Variants in SDC2 observed in about 807,000 individuals in gnomAD.
SDC2 encodes syndecan-2.
In SDC2, 13 loss-of-function variants were observed where a neutral mutation model predicts 22.2. The ratio of observed to expected loss-of-function variants is 0.59; its 90% CI spans 0.38 to 0.93. The LOEUF is 0.93. Among genes scored for constraint, SDC2 ranks in the 40% least tolerant of loss-of-function variants. The pLI is 0.00. For missense variants in SDC2, 235 were observed against 246.8 expected (o/e 0.95, Z 0.32); for synonymous variants, 94 against 92.8 (o/e 1.01, Z -0.07).
chr8:96,517,306 C>A (rs1813416331), intron 1 of SDC2, among the ~76,000 whole-genome samples: 1 of 152,082 alleles, frequency 6.6e-6, no homozygotes, highest in South Asian at 2.1e-4. Context: ...TTAATAGTGT[C>A]CTTTGAAGCA....
intron 1 of SDC2, among the ~76,000 whole-genome samples, chr8:96,554,057 T>C (rs926533922): frequency 6.6e-6 from 1 of 152,150 alleles, no homozygotes; most frequent in African/African-American, 2.4e-5. Flanking sequence ...TCCCAAAGTG[T>C]TGGGGTTACA....
intron 1 of SDC2, among the ~76,000 whole-genome samples, chr8:96,592,093 C>T (rs1160187999): frequency 2.0e-5 from 3 of 152,196 alleles, no homozygotes; most frequent in Non-Finnish European, 2.9e-5. Context: ...TGGTCCAGGC[C>T]ACTGGAACAC....
chr8:96,520,142 AG>A (rs979276329), intron 1 of SDC2, among the ~76,000 whole-genome samples: 1 of 152,222 alleles, frequency 6.6e-6, no homozygotes, highest in African/African-American at 2.4e-5. Flanking sequence ...ATGAAACTGT[AG>A]TGACAACTTT....
intron 1 of SDC2, among the ~76,000 whole-genome samples, chr8:96,530,735 A>T (rs1563650410): frequency 6.6e-6 from 1 of 152,254 alleles, no homozygotes; most frequent in South Asian, 2.1e-4. Context: ...CTGAGCATAG[A>T]TAACAAATGA....
chr8:96,543,509 A>C (rs1393853312), intron 1 of SDC2, among the ~76,000 whole-genome samples: 1 of 152,206 alleles, frequency 6.6e-6, no homozygotes, highest in African/African-American at 2.4e-5. Flanking sequence ...TTTTATAATC[A>C]GGTGTTATTT....
At chr8:96,536,721 T>C (rs1284586981) in intron 1 of SDC2, among the ~76,000 whole-genome samples, 1 of 152,196 alleles carries the variant, frequency 6.6e-6, no homozygotes, top group African/African-American at 2.4e-5. Flanking sequence ...GTCAGCTCTG[T>C]AGAGCTTGTG....
At chr8:96,498,101 G>T (rs1813102227) in intron 1 of SDC2, among the ~76,000 whole-genome samples, 4 of 152,150 alleles carry the variant, frequency 2.6e-5, no homozygotes, top group Admixed American at 2.6e-4. Flanking sequence ...TCTTGAAGAA[G>T]CCCTGGACTC....
At chr8:96,516,305 G>A (rs1024674012) in intron 1 of SDC2, among the ~76,000 whole-genome samples, 27 of 152,040 alleles carry the variant, frequency 1.8e-4, no homozygotes, top group African/African-American at 3.6e-4. Context: ...CATAGCAAGC[G>A]TTATCTAGAA....
intron 1 of SDC2, among the ~76,000 whole-genome samples, chr8:96,517,787 GTGTGTGTGTGT>G (rs1185271115): frequency 1.4e-5 from 2 of 142,880 alleles, no homozygotes; most frequent in African/African-American, 5.0e-5. Flanking sequence ...GTGTGTGTGT[GTGTGTGTGTGT>G]GTGTATATAT....
chr8:96,550,097 G>T lies in SDC2; in HGVS notation c.61-43383G>T, dbSNP rs147135437. On this transcript the variant is annotated intron_variant, in intron 1 of 4. Transcript: ENST00000302190. ...AATGGGAGCTCAAAATTTTTTCAAA[G>T]ATCTCATATTTACAAATGAATAAGT... Among the ~76,000 whole-genome samples, 51 of 152,192 alleles carry T rather than the reference G, an allele frequency of 3.4e-4. No homozygotes were observed. In the East Asian group the frequency reaches 9.5e-3, roughly 28 times the overall value.
At chr8:96,503,610 A>G (rs1463343900) in intron 1 of SDC2, among the ~76,000 whole-genome samples, 6 of 152,222 alleles carry the variant, frequency 3.9e-5, no homozygotes, top group Non-Finnish European at 8.8e-5. Flanking sequence ...CAATATCAAT[A>G]TCATTGTTGT....
intron 1 of SDC2, among the ~76,000 whole-genome samples, chr8:96,552,856 T>G (rs1005199453): frequency 6.6e-6 from 1 of 152,212 alleles, no homozygotes; most frequent in Non-Finnish European, 1.5e-5. Flanking sequence ...ATGATGAAAT[T>G]CCTCTGAATT....
chr8:96,572,605 A>G (rs967159788), intron 1 of SDC2, among the ~76,000 whole-genome samples: 1 of 152,064 alleles, frequency 6.6e-6, no homozygotes, highest in Non-Finnish European at 1.5e-5. Context: ...AAAAAAAACA[A>G]CAAAGGCCCC....
intron 1 of SDC2, among the ~76,000 whole-genome samples, chr8:96,576,119 A>G (rs1482470736): frequency 1.3e-5 from 2 of 152,022 alleles, no homozygotes; most frequent in East Asian, 1.9e-4. Flanking sequence ...TGTGGGCCCA[A>G]TTTATTTAAG....
At chr8:96,505,979 T>A (rs539787957) in intron 1 of SDC2, among the ~76,000 whole-genome samples, 2 of 152,366 alleles carry the variant, frequency 1.3e-5, no homozygotes, top group South Asian at 4.1e-4. Flanking sequence ...TGCATCAGTT[T>A]ATGTTGAATC....
intron 1 of SDC2, among the ~76,000 whole-genome samples, chr8:96,555,624 T>C (rs147179209): frequency 1.1e-3 from 169 of 152,344 alleles, no homozygotes; most frequent in African/African-American, 3.9e-3. Flanking sequence ...CTGTAGAATT[T>C]AATAAACTAG....
chr8:96,516,295 C>T (rs1367714751), intron 1 of SDC2, among the ~76,000 whole-genome samples: 3 of 152,116 alleles, frequency 2.0e-5, no homozygotes, highest in Non-Finnish European at 4.4e-5. Flanking sequence ...AAGATCAAAA[C>T]ATAGCAAGCG....
chr8:96,541,188 T>C (rs1813843624), intron 1 of SDC2, among the ~76,000 whole-genome samples: 1 of 152,118 alleles, frequency 6.6e-6, no homozygotes, highest in Non-Finnish European at 1.5e-5. Flanking sequence ...CCCAGCACTT[T>C]GGGAGGCTGA....
At chr8:96,583,513 T>C (rs912374167) in intron 1 of SDC2, among the ~76,000 whole-genome samples, 2 of 151,378 alleles carry the variant, frequency 1.3e-5, no homozygotes, top group South Asian at 2.1e-4. Flanking sequence ...CTATGACTTA[T>C]CGGTCTTGTG....
Sources: allele counts gnomAD v4.1 joint callset (sites outside exome capture counted in the v4.1 genomes callset), GRCh38; gene constraint gnomAD v4.1.1; transcripts MANE v1.5; gene names NCBI Gene and HGNC (gene_info 2026-07-23, HGNC 2026-07-21).